IDE: variants seen among roughly 807,000 people sequenced by gnomAD.
The protein encoded by IDE is insulin-degrading enzyme.
Under a neutral mutation model 133.2 loss-of-function variants are expected in IDE, and 58 were observed. The ratio of observed to expected loss-of-function variants is 0.44; its 90% CI spans 0.35 to 0.54. The LOEUF (loss-of-function observed/expected upper bound fraction) is 0.54, where lower values mean the gene tolerates loss of function less well. Among genes scored for constraint, IDE ranks in the 20% least tolerant of loss-of-function variants. IDE has a pLI of 0.00. For synonymous variants in IDE, 396 were observed against 421.3 expected (o/e 0.94, Z 0.73); for missense variants, 981 against 1,234.0 (o/e 0.79, Z 3.07).
chr10:92,555,075 G>A (rs1248813290), intron 1 of IDE, among the ~76,000 whole-genome samples: 1 of 152,162 alleles, frequency 6.6e-6, no homozygotes, highest in Non-Finnish European at 1.5e-5. Flanking sequence ...AACAATGAAC[G>A]TATTCAGCAG....
At chr10:92,471,568 A>G (rs1048776305) in intron 17 of IDE, among the ~76,000 whole-genome samples, 1 of 152,112 alleles carries the variant, frequency 6.6e-6, no homozygotes, top group Non-Finnish European at 1.5e-5. Context: ...CCTCTTCACT[A>G]GGCTCCCTCG....
rs375936259 is a variant in IDE, at chr10:92,487,221, G to A, written c.1631C>T (p.Ala544Val). Reference sequence around the variant, plus strand: ...CTTAATAAGAGCAGGGTATGGTGTCGCCTCTTTTTCTAACGGTAAAATCTC... The same window carrying A: ...CTTAATAAGAGCAGGGTATGGTGTCACCTCTTTTTCTAACGGTAAAATCTC... ...NFEILPLEKE[A>V]TPYPALIKDT... The change falls in exon 13 of 25, where the codon GCG becomes GTG. Residue 544 changes from alanine (A) to valine (V), a missense_variant. Coordinates refer to ENST00000265986, the MANE Select transcript of IDE (RefSeq NM_004969.4). The A allele has an allele frequency of 6.4e-5, 104 of 1,613,078 alleles. No individual in the cohort carries two copies. The African/African-American group carries it at 9.5e-4, about 15-fold the overall frequency.
chr10:92,530,000 C>T (rs1360133195), intron 4 of IDE, among the ~76,000 whole-genome samples: 5 of 151,956 alleles, frequency 3.3e-5, no homozygotes, highest in African/African-American at 1.2e-4. Flanking sequence ...CCGAGGCAGG[C>T]GGATCACCTG....
intron 1 of IDE, among the ~76,000 whole-genome samples, chr10:92,543,870 G>A (rs1005234646): frequency 6.7e-6 from 1 of 150,330 alleles, no homozygotes; most frequent in Non-Finnish European, 1.5e-5. Flanking sequence ...AAAGTTTCTT[G>A]TAGTTTGGGT....
At chr10:92,506,846 T>C (rs1281091882) in intron 9 of IDE, among the ~76,000 whole-genome samples, 2 of 152,142 alleles carry the variant, frequency 1.3e-5, no homozygotes, top group Non-Finnish European at 2.9e-5. Flanking sequence ...AGAAAAACTG[T>C]GTGAAAGAAC....
chr10:92,457,210 C>T (rs887698386), intron 22 of IDE, among the ~76,000 whole-genome samples: 2 of 152,100 alleles, frequency 1.3e-5, no homozygotes, highest in African/African-American at 2.4e-5. Flanking sequence ...GGGACAAGCA[C>T]GAGTGCCTGC....
intron 1 of IDE, among the ~76,000 whole-genome samples, chr10:92,553,423 C>CA (rs202176632): frequency 0.088 from 8,901 of 101,042 alleles, 381 homozygotes; most frequent in African/African-American, 0.15. Context: ...GACTCTGTCT[C>CA]AAAAAAAAAA....
At chr10:92,455,707 A>G in intron 23 of IDE, 64 bp from the exon 24 acceptor site, 1 of 944,098 alleles carries the variant, frequency 1.1e-6, no homozygotes, top group East Asian at 2.4e-5. Context: ...GAACAAAAAA[A>G]AAAAACTAAA....
At chr10:92,524,562 T>TA (rs1849523649) in intron 4 of IDE, among the ~76,000 whole-genome samples, 1 of 92,424 alleles carries the variant, frequency 1.1e-5, no homozygotes, top group African/African-American at 3.7e-5. Context: ...ATATTTTATA[T>TA]ATAATAATAT....
intron 6 of IDE, among the ~76,000 whole-genome samples, 161 bp downstream of exon 6, chr10:92,509,889 C>T (rs1398541047): frequency 2.7e-5 from 4 of 148,916 alleles, no homozygotes; most frequent in Admixed American, 2.0e-4. Context: ...CCACTGCATT[C>T]CAGCCTGGGT....
At chr10:92,551,791 G>C (rs1842796409) in intron 1 of IDE, among the ~76,000 whole-genome samples, 1 of 151,762 alleles carries the variant, frequency 6.6e-6, no homozygotes, top group Admixed American at 6.6e-5. Context: ...GATGGTGATG[G>C]TTACACAACA....
At chr10:92,479,992 T>C (rs2046025449) in intron 14 of IDE, among the ~76,000 whole-genome samples, 1 of 152,126 alleles carries the variant, frequency 6.6e-6, no homozygotes, top group Non-Finnish European at 1.5e-5. Context: ...GTAAAATAAT[T>C]GATAATTTCT....
intron 11 of IDE, among the ~76,000 whole-genome samples, chr10:92,490,898 G>T (rs1476355451): frequency 6.6e-6 from 1 of 152,136 alleles, no homozygotes; most frequent in Non-Finnish European, 1.5e-5. Flanking sequence ...GGAAAAAAAT[G>T]TAACAAGGTC....
intron 11 of IDE, among the ~76,000 whole-genome samples, chr10:92,503,822 G>T (rs936582533): frequency 2.6e-5 from 4 of 151,500 alleles, no homozygotes; most frequent in Non-Finnish European, 4.4e-5. Context: ...GGGTTCAAGC[G>T]ATTCTCCTGT....
intron 1 of IDE, among the ~76,000 whole-genome samples, chr10:92,558,590 T>TA: frequency 6.6e-6 from 1 of 152,224 alleles, no homozygotes; most frequent in Non-Finnish European, 1.5e-5. Context: ...AGAGAATATA[T>TA]TTTTTCATTT....
At chr10:92,477,674 T>C (rs1465101365) in intron 15 of IDE, among the ~76,000 whole-genome samples, 2 of 152,214 alleles carry the variant, frequency 1.3e-5, no homozygotes, top group Admixed American at 1.3e-4. Context: ...TCATTTTTCC[T>C]ACTGTAGGAA....
rs1416924352 is a variant in IDE at position 92,453,058 on chromosome 10, G to A, written c.*1386C>T. The A allele has an allele frequency of 6.6e-6, 1 of 152,180 alleles. No individual in the cohort carries two copies. Among genetic ancestry groups the A allele is most frequent in the Non-Finnish European group, 1.5e-5 (1 of 68,022 alleles). 9.4% of individuals were successfully genotyped at this position (152,180 alleles called of 1,614,324 possible). A position where few individuals can be genotyped will look rare whatever the true frequency, so the allele number is the denominator to read the frequency against. ...AGATGTGAAAAGGTATGACTTTACA[G>A]AAGAAAGTCCTAGCCAATCAAATCA... On this transcript the variant is annotated 3_prime_UTR_variant, in exon 25 of 25. Transcript: ENST00000265986.
chr10:92,552,347 G>A (rs554170825), intron 1 of IDE, among the ~76,000 whole-genome samples: 19 of 152,264 alleles, frequency 1.2e-4, no homozygotes, highest in African/African-American at 4.6e-4. Flanking sequence ...GGAAAAAGAT[G>A]TTATAAATAA....
At chr10:92,492,173 T>C (rs1417807017) in intron 11 of IDE, among the ~76,000 whole-genome samples, 3 of 150,478 alleles carry the variant, frequency 2.0e-5, no homozygotes, top group Non-Finnish European at 3.0e-5. Context: ...GGCAGGAGAA[T>C]GGCGTGAACC....
Sources: allele counts gnomAD v4.1 joint callset (sites outside exome capture counted in the v4.1 genomes callset), GRCh38; gene constraint gnomAD v4.1.1; transcripts MANE v1.5; gene names NCBI Gene and HGNC (gene_info 2026-07-23, HGNC 2026-07-21).